USP37: variants seen among roughly 807,000 people sequenced by gnomAD.
USP37 encodes ubiquitin specific peptidase 37.
USP37 carries 27 observed loss-of-function variants against 124.0 expected under a neutral mutation model. The ratio of observed to expected loss-of-function variants is 0.22; its 90% CI spans 0.16 to 0.30. USP37 has a LOEUF of 0.30. Ranked by LOEUF, USP37 falls within the 10% of genes least tolerant of loss-of-function variation. The pLI is 1.00. For synonymous variants in USP37, 365 were observed against 388.0 expected (o/e 0.94, Z 0.70); for missense variants, 889 against 1,140.4 (o/e 0.78, Z 3.17).
intron 8 of USP37, among the ~76,000 whole-genome samples, chr2:218,543,750 G>A (rs1403627798): frequency 6.6e-6 from 1 of 151,910 alleles, no homozygotes; most frequent in African/African-American, 2.4e-5. Flanking sequence ...AGCTTGCAGT[G>A]AGCTGAGATC....
At chr2:218,550,741 G>A (rs1692622870) in intron 5 of USP37, among the ~76,000 whole-genome samples, 1 of 151,532 alleles carries the variant, frequency 6.6e-6, no homozygotes, top group African/African-American at 2.4e-5. Flanking sequence ...TGGTGAAGTC[G>A]AGAATTTTTT....
At chr2:218,492,933 G>C (rs1688872999) in intron 14 of USP37, among the ~76,000 whole-genome samples, 1 of 152,066 alleles carries the variant, frequency 6.6e-6, no homozygotes, top group Admixed American at 6.6e-5. Context: ...TTAAGTTCAG[G>C]AGTTAGCAGG....
chr2:218,533,499 A>G (rs755315131), intron 9 of USP37, among the ~76,000 whole-genome samples: 4 of 152,064 alleles, frequency 2.6e-5, no homozygotes, highest in Non-Finnish European at 5.9e-5. Flanking sequence ...CTCCACATCA[A>G]ATTTTGTGAG....
chr2:218,501,248 A>C (rs639913), intron 11 of USP37, among the ~76,000 whole-genome samples: 100,430 of 151,554 alleles, frequency 0.66, 33,714 homozygotes, highest in East Asian at 0.9. Flanking sequence ...TCATGTTACC[A>C]AGGCTGGTTT....
intron 10 of USP37, among the ~76,000 whole-genome samples, chr2:218,527,352 T>C (rs1417561291): frequency 6.6e-6 from 1 of 152,228 alleles, no homozygotes; most frequent in Non-Finnish European, 1.5e-5. Context: ...TCTGGTTTAC[T>C]AGCTCAAAGA....
intron 22 of USP37, among the ~76,000 whole-genome samples, chr2:218,460,495 G>C (rs182796033): frequency 4.4e-4 from 67 of 152,074 alleles, no homozygotes; most frequent in Admixed American, 1.3e-3. Flanking sequence ...TATAAAACTA[G>C]AAAATAATTT....
At chr2:218,552,247 T>C (rs938796015) in intron 5 of USP37, among the ~76,000 whole-genome samples, 1 of 152,216 alleles carries the variant, frequency 6.6e-6, no homozygotes, top group African/African-American at 2.4e-5. Context: ...TAATTAAAGG[T>C]AGTACTGCTA....
chr2:218,474,972 C>A, intron 19 of USP37, 87 bp from the exon 20 acceptor site: 1 of 1,391,272 alleles, frequency 7.2e-7, no homozygotes, highest in South Asian at 1.5e-5. Context: ...AACTTTATTT[C>A]TAAAAAGTTT....
intron 21 of USP37, 141 bp from the exon 22 acceptor site, chr2:218,463,507 G>T: frequency 7.3e-6 from 4 of 550,858 alleles, no homozygotes; most frequent in Non-Finnish European, 9.5e-6. Context: ...ATTACCTTTT[G>T]AGGAATGTGG....
intron 15 of USP37, among the ~76,000 whole-genome samples, chr2:218,486,914 G>A (rs991390248): frequency 1.0e-3 from 152 of 152,076 alleles, no homozygotes; most frequent in African/African-American, 3.5e-3. Context: ...TTCTAGTAGA[G>A]ACAGGGTTTC....
intron 15 of USP37, among the ~76,000 whole-genome samples, chr2:218,487,788 A>C (rs7598056): frequency 0.61 from 92,135 of 151,892 alleles, 28,152 homozygotes; most frequent in East Asian, 0.78. Flanking sequence ...TAAGCAATTA[A>C]TTTTCTTTTT....
Position 218,544,412 on chromosome 2 carries a change from T to A in USP37, c.680+1809A>T, listed in dbSNP as rs1489667284. Among the ~76,000 whole-genome samples, 335 of 67,382 alleles carry A rather than the reference T, an allele frequency of 5.0e-3. 2 individuals carry two copies. Among genetic ancestry groups the A allele is most frequent in the African/African-American group, 0.024 (241 of 10,190 alleles). The allele number at this position is 67,382 out of a possible 152,430, so 44.2% of individuals were successfully genotyped here. A position where few individuals can be genotyped will look rare whatever the true frequency, so the allele number is the denominator to read the frequency against. On this transcript the variant is annotated intron_variant, in intron 8 of 25. Coordinates refer to ENST00000258399, the MANE Select transcript of USP37 (RefSeq NM_020935.3). Reference sequence around the variant, plus strand: ...AAAAAAAAAAAAAAAAAAAAATATATATATATATATATATATATAGAGAGA... The same window carrying A: ...AAAAAAAAAAAAAAAAAAAAATATAAATATATATATATATATATAGAGAGA...
chr2:218,554,655 GA>G (rs1025866757), intron 4 of USP37, among the ~76,000 whole-genome samples: 1 of 151,174 alleles, frequency 6.6e-6, no homozygotes, highest in African/African-American at 2.4e-5. Flanking sequence ...GCTGAGGCAG[GA>G]AAATAGCTCG....
intron 18 of USP37, 62 bp downstream of exon 18, chr2:218,479,588 G>A (rs1325824554): frequency 7.3e-7 from 1 of 1,366,734 alleles, no homozygotes; most frequent in Non-Finnish European, 1.0e-6. Flanking sequence ...AGGCAATCTT[G>A]GAGATTAGGG....
chr2:218,489,880 CCT>C (rs1434132633), intron 14 of USP37, among the ~76,000 whole-genome samples: 1 of 152,108 alleles, frequency 6.6e-6, no homozygotes, highest in African/African-American at 2.4e-5. Context: ...TTAGTTGGCC[CCT>C]CTTTTGTTCA....
intron 10 of USP37, among the ~76,000 whole-genome samples, chr2:218,525,743 T>C (rs1249115681): frequency 1.3e-5 from 2 of 152,194 alleles, no homozygotes; most frequent in African/African-American, 4.8e-5. Flanking sequence ...TTTTGCTGCA[T>C]AGGTAAACTC....
intron 10 of USP37, among the ~76,000 whole-genome samples, chr2:218,527,814 G>C (rs981026106): frequency 4.6e-5 from 7 of 152,126 alleles, no homozygotes; most frequent in Admixed American, 2.0e-4. Flanking sequence ...ACCCAAGGCT[G>C]AATATACCTA....
At chr2:218,502,649 G>A (rs1369981129) in intron 11 of USP37, among the ~76,000 whole-genome samples, 1 of 152,116 alleles carries the variant, frequency 6.6e-6, no homozygotes, top group African/African-American at 2.4e-5. Context: ...GCAACGAAGA[G>A]AAAATCTTGA....
At chr2:218,533,679 T>C (rs1362449824) in intron 9 of USP37, among the ~76,000 whole-genome samples, 2 of 152,218 alleles carry the variant, frequency 1.3e-5, no homozygotes, top group Non-Finnish European at 1.5e-5. Flanking sequence ...TAGGAGTCAA[T>C]GTCACAATCC....
Sources: gnomAD v4.1 joint callset for allele counts (sites outside exome capture counted in the v4.1 genomes callset) on GRCh38, gnomAD v4.1.1 for gene constraint, MANE v1.5 for transcripts, NCBI Gene and HGNC (gene_info 2026-07-23, HGNC 2026-07-21) for gene names.